The following UPP2 variants were observed in gnomAD, a reference collection of about 807,000 sequenced individuals.
UPP2 encodes the protein UPase 2.
In UPP2, 23 loss-of-function variants were observed where a neutral mutation model predicts 26.7. The observed-to-expected ratio is 0.86, with a 90% CI of 0.62 to 1.22. The LOEUF (loss-of-function observed/expected upper bound fraction) is 1.22. Ranked by LOEUF, UPP2 falls within the 50% of genes most tolerant of loss-of-function variation. The pLI is 0.00. For synonymous variants in UPP2, 127 were observed against 141.3 expected, an observed-to-expected ratio of 0.90 and a Z score of 0.72; for missense variants, 387 against 396.7, an observed-to-expected ratio of 0.98 and a Z score of 0.21.
chr2:158,095,949 C>T (rs1176196903), intron 3 of UPP2, among the ~76,000 whole-genome samples: 3 of 152,022 alleles, frequency 2.0e-5, no homozygotes, highest in Admixed American at 1.3e-4. Context: ...TTGTTAGACA[C>T]GCGGTGCCTC....
chr2:158,134,526 G>C (rs1203979944), intron 6 of UPP2, among the ~76,000 whole-genome samples: 1 of 152,192 alleles, frequency 6.6e-6, no homozygotes, highest in African/African-American at 2.4e-5. Flanking sequence ...GGAAGGAGGA[G>C]TGTTCACAAC....
intron 3 of UPP2, among the ~76,000 whole-genome samples, chr2:158,044,732 C>A (rs1684127014): frequency 6.6e-6 from 1 of 152,134 alleles, no homozygotes; most frequent in Admixed American, 6.5e-5. Flanking sequence ...AGCGTGGGAA[C>A]ACAGGAAAAG....
At chr2:158,103,497 C>T (rs1236713677) in intron 1 of UPP2, among the ~76,000 whole-genome samples, 1 of 151,972 alleles carries the variant, frequency 6.6e-6, no homozygotes, top group Admixed American at 6.6e-5. Context: ...TTTAAAGTGC[C>T]CCTGGTGGTT....
intron 3 of UPP2, among the ~76,000 whole-genome samples, chr2:158,090,792 T>G (rs1682899627): frequency 6.6e-6 from 1 of 152,146 alleles, no homozygotes; most frequent in African/African-American, 2.4e-5. Flanking sequence ...ATGAAGAATG[T>G]AAGCTCATGA....
chr2:158,002,725 C>T (rs77426197), intron 2 of UPP2, among the ~76,000 whole-genome samples: 1,545 of 152,306 alleles, frequency 0.01, 27 homozygotes, highest in African/African-American at 0.034. Flanking sequence ...ATCAGCACTC[C>T]ATTGCTGTGT....
upstream of UPP2, among the ~76,000 whole-genome samples, chr2:158,097,081 A>G (rs1682996935): frequency 6.6e-6 from 1 of 152,056 alleles, no homozygotes; most frequent in African/African-American, 2.4e-5. Flanking sequence ...TAAAAACATG[A>G]TAAAAAATAT....
At chr2:158,078,067 CA>C (rs2105192376) in intron 3 of UPP2, among the ~76,000 whole-genome samples, 1 of 152,118 alleles carries the variant, frequency 6.6e-6, no homozygotes, top group East Asian at 1.9e-4. Context: ...AAATGCAAAT[CA>C]AAACTACAAT....
intron 3 of UPP2, among the ~76,000 whole-genome samples, chr2:158,075,342 A>C (rs1682613702): frequency 6.6e-6 from 1 of 152,094 alleles, no homozygotes; most frequent in South Asian, 2.1e-4. Flanking sequence ...TTAGTGTAAT[A>C]AAAATGTGAA....
At chr2:158,126,183 T>C (rs1683690226) in intron 6 of UPP2, among the ~76,000 whole-genome samples, 1 of 152,160 alleles carries the variant, frequency 6.6e-6, no homozygotes, top group South Asian at 2.1e-4. Context: ...CTGCAAATCT[T>C]TGTAACCTTG....
intron 3 of UPP2, among the ~76,000 whole-genome samples, chr2:158,088,548 A>G (rs1388175247): frequency 1.3e-5 from 2 of 152,102 alleles, no homozygotes; most frequent in Non-Finnish European, 2.9e-5. Context: ...TAGGGGTGTT[A>G]AAGAACCTTG....
At chr2:158,031,573 C>T (rs190877953) in intron 3 of UPP2, among the ~76,000 whole-genome samples, 1 of 152,266 alleles carries the variant, frequency 6.6e-6, no homozygotes, top group Admixed American at 6.5e-5. Flanking sequence ...GCTGAGGTTC[C>T]GAGCCAGCTC....
At chr2:157,996,140 A>G (rs1405759652) in intron 2 of UPP2, among the ~76,000 whole-genome samples, 2 of 152,138 alleles carry the variant, frequency 1.3e-5, no homozygotes, top group Non-Finnish European at 2.9e-5. Flanking sequence ...GGAACAGAAG[A>G]TGCCTTGCCA....
In UPP2 at chr2:158,114,830, A is replaced by G. The variant is rs7558513; in HGVS notation, c.181-271A>G. ...TGCTGGTTGGTGTTCACTATAAACA[A>G]AAACACCAGGAAACACCTCCTTGAA... On this transcript the variant is annotated intron_variant, in intron 2 of 6. Transcript: ENST00000005756. 3.1e-3 allele frequency among the ~76,000 whole-genome samples: 476 copies of G among 152,336 alleles called. 2 individuals are homozygous for G. The highest frequency in any genetic ancestry group is 0.011 in the African/African-American group (451 of 41,568).
At chr2:158,098,775 T>C (rs992593085), upstream of UPP2, among the ~76,000 whole-genome samples, 10 of 152,214 alleles carry the variant, frequency 6.6e-5, no homozygotes, top group Non-Finnish European at 1.3e-4. Context: ...ATGCTGTTAA[T>C]TGGCAAGTTT....
intron 3 of UPP2, among the ~76,000 whole-genome samples, chr2:158,069,361 G>T (rs1165770117): frequency 1.3e-5 from 2 of 152,222 alleles, no homozygotes; most frequent in Middle Eastern, 3.2e-3. Flanking sequence ...GTGCAGAAGA[G>T]ATATTGCAGG....
chr2:158,104,141 G>C (rs774472936), intron 1 of UPP2, among the ~76,000 whole-genome samples: 2 of 152,136 alleles, frequency 1.3e-5, no homozygotes, highest in Non-Finnish European at 2.9e-5. Flanking sequence ...CAGGGGATTC[G>C]CAGTCTTTCT....
intron 3 of UPP2, among the ~76,000 whole-genome samples, chr2:158,049,372 C>T (rs1486128054): frequency 6.6e-6 from 1 of 152,314 alleles, no homozygotes; most frequent in African/African-American, 2.4e-5. Flanking sequence ...ATTCATGCCA[C>T]AGGCCTCTTC....
At chr2:158,017,271 C>T (rs561364227) in intron 3 of UPP2, among the ~76,000 whole-genome samples, 93 of 152,100 alleles carry the variant, frequency 6.1e-4, no homozygotes, top group South Asian at 4.8e-3. Context: ...TGGAGTGTGT[C>T]CTAACTTTAT....
intron 2 of UPP2, chr2:157,995,264 G>A: frequency 1.2e-6 from 2 of 1,613,606 alleles, no homozygotes; most frequent in Non-Finnish European, 1.7e-6. Context: ...CTGAAGGTTA[G>A]TGAGGGAAGA....
Sources: allele counts gnomAD v4.1 joint callset (sites outside exome capture counted in the v4.1 genomes callset), GRCh38; gene constraint gnomAD v4.1.1; transcripts MANE v1.5; gene names NCBI Gene and HGNC (gene_info 2026-07-23, HGNC 2026-07-21).